Variants in KARS1 observed in about 807,000 individuals in gnomAD.
KARS1 encodes the protein lysyl-tRNA synthetase 1.
In KARS1, 50 loss-of-function variants were observed where a neutral mutation model predicts 63.9. That is an observed-to-expected ratio of 0.78 (90% CI 0.62 to 0.99). The LOEUF (loss-of-function observed/expected upper bound fraction) is 0.99. Among genes scored for constraint, KARS1 ranks in the 50% least tolerant of loss-of-function variants. The probability of loss-of-function intolerance (pLI) is 0.00; values close to 1 mark genes in which losing one functional copy is unlikely to be tolerated. For synonymous variants in KARS1, 320 were observed against 264.6 expected (o/e 1.21, Z -2.03); for missense variants, 816 against 754.5 (o/e 1.08, Z -0.95).
chr16:75,631,321 G>C (rs2082110583), intron 9 of KARS1, 68 bp from the exon 10 acceptor site: 4 of 1,576,386 alleles, frequency 2.5e-6, no homozygotes, highest in South Asian at 2.2e-5. Context: ...TACATAAAGA[G>C]AATAGTGTGG....
At chr16:75,639,198 A>T (rs1828260191) in intron 3 of KARS1, among the ~76,000 whole-genome samples, 1 of 152,170 alleles carries the variant, frequency 6.6e-6, no homozygotes, top group Non-Finnish European at 1.5e-5. Context: ...AATAAAAAAA[A>T]ATCTGAATAC....
intron 3 of KARS1, among the ~76,000 whole-genome samples, chr16:75,636,958 TTG>T (rs1491028918): frequency 0.06 from 8,324 of 137,876 alleles, 521 homozygotes; most frequent in African/African-American, 0.17. Flanking sequence ...TTTTTTTTTT[TTG>T]GTCAGGGCAC....
rs757287180 is a variant in KARS1, at chr16:75,628,529, C to T, written c.1695+40G>A. On this transcript the variant is annotated intron_variant, in intron 13 of 13. Transcript: ENST00000302445. ...ATGCCCTGGCTCCAACACAATGCAG[C>T]TTCCTCAGGAAGTGTGCTCTGTGGA... is the stretch of plus-strand genomic sequence containing the variant. 5.6e-6 allele frequency: 9 copies of T among 1,610,946 alleles called. No individual in the cohort carries two copies. In the African/African-American group the frequency reaches 1.1e-4, roughly 19 times the overall value.
In KARS1 at chr16:75,630,130, T is replaced by C. The variant is rs560673558; in HGVS notation, c.1424+293A>G. Among the ~76,000 whole-genome samples the C allele has an allele frequency of 6.6e-5, 10 of 152,344 alleles. No individual in the cohort carries two copies. In the East Asian group the frequency reaches 1.5e-3, roughly 24 times the overall value. On this transcript the variant is annotated intron_variant, in intron 11 of 13. Transcript: ENST00000302445. Reference sequence around the variant, plus strand: ...TGTTTGCACAATGAGGTCTGTTCTTTTGGAAGCTTCCCCTTAGAGCCCAAC... The same window carrying C: ...TGTTTGCACAATGAGGTCTGTTCTTCTGGAAGCTTCCCCTTAGAGCCCAAC...
Position 75,629,411 on chromosome 16 carries a change from TC to T in KARS1, c.1551+3del, listed in dbSNP as rs1195418482. On this transcript the variant is annotated splice_donor_region_variant and intron_variant, in intron 12 of 13. Coordinates refer to ENST00000302445, the MANE Select transcript of KARS1 (RefSeq NM_005548.3). ...CAGCTTCTGCTCACAGTCCCCTTTC[TC>T]ACCTTGGCCTGTTCTTCAAAAAGCT... is the stretch of plus-strand genomic sequence containing the variant. 4 of 1,613,948 alleles carry T rather than the reference TC, an allele frequency of 2.5e-6. No homozygotes were observed. Among genetic ancestry groups the T allele is most frequent in the Non-Finnish European group, 3.4e-6 (4 of 1,179,848 alleles).
intron 6 of KARS1, among the ~76,000 whole-genome samples, chr16:75,634,763 G>C (rs1040362103): frequency 6.6e-6 from 1 of 152,086 alleles, no homozygotes; most frequent in Non-Finnish European, 1.5e-5. Context: ...TTTTAGTAGA[G>C]ACAGGGTTTC....
chr16:75,644,319 G>A (rs752231356), intron 1 of KARS1: 3 of 1,607,130 alleles, frequency 1.9e-6, no homozygotes, highest in East Asian at 2.2e-5. Context: ...CTTGTGAGGC[G>A]CTGTGAAAGG....
Position 75,631,244 on chromosome 16 carries a change from T to G in KARS1, c.1262A>C (p.Lys421Thr). Residue 421 changes from lysine (K) to threonine (T), a missense_variant, in exon 10 of 14, where the codon AAA becomes ACA. Coordinates refer to ENST00000302445, the MANE Select transcript of KARS1 (RefSeq NM_005548.3). ...TNLFETEETR[K>T]ILDDICVAKA... ...TGCCACACAGATATCATCAAGAATT[T>G]TGCGAGTTTCTGGGACACAAATGCA... 2 of 1,614,002 alleles carry G rather than the reference T, an allele frequency of 1.2e-6. No individual in the cohort carries two copies. Among genetic ancestry groups the G allele is most frequent in the South Asian group, 1.1e-5 (1 of 91,056 alleles).
intron 13 of KARS1, 37 bp downstream of exon 13, chr16:75,628,532 C>G: frequency 6.2e-7 from 1 of 1,611,500 alleles, no homozygotes; most frequent in Admixed American, 1.7e-5. Flanking sequence ...AATGCAGCTT[C>G]CTCAGGAAGT....
chr16:75,643,284 T>C (rs982009281), intron 1 of KARS1, among the ~76,000 whole-genome samples: 1 of 152,178 alleles, frequency 6.6e-6, no homozygotes, highest in South Asian at 2.1e-4. Context: ...TCCCAAGTCA[T>C]GCCCGCAAAC....
rs76083304 is a variant in KARS1, at chr16:75,644,216, G to A, written c.63-2493C>T. 721 of 1,454,872 alleles carry A rather than the reference G, an allele frequency of 5.0e-4. 1 individual carries two copies. In the African/African-American group the frequency reaches 5.9e-3, roughly 12 times the overall value. The allele number at this position is 1,454,872 out of a possible 1,614,324, so 90.1% of individuals were successfully genotyped here. A position where few individuals can be genotyped will look rare whatever the true frequency, so the allele number is the denominator to read the frequency against. ...CCAAAGACTTAGCCAGAGGCTTAAC[G>A]GAAAATGAACCAAGTAAGGAAATAA... is the stretch of plus-strand genomic sequence containing the variant. On this transcript the variant is annotated intron_variant, in intron 1 of 13. Coordinates refer to ENST00000302445, the MANE Select transcript of KARS1 (RefSeq NM_005548.3).
chr16:75,635,408 A>G (rs2082151168), intron 6 of KARS1: 1 of 385,416 alleles, frequency 2.6e-6, no homozygotes, highest in African/African-American at 2.0e-5. Flanking sequence ...ATATTTCTTA[A>G]TGCTACAAAA....
At chr16:75,639,894 A>G (rs2082204324) in intron 3 of KARS1, 1 of 433,142 alleles carries the variant, frequency 2.3e-6, no homozygotes, top group African/African-American at 2.0e-5. Context: ...CTTAGGCCAA[A>G]GACTGGAATT....
Position 75,630,780 on chromosome 16 carries a change from G to A in KARS1, c.1339-272C>T, listed in dbSNP as rs112225278. ...CTCCTGAATAGCGGGGATTACAGGT[G>A]CCCGCCACCATACCCAGCTCATTTT... On this transcript the variant is annotated intron_variant, in intron 10 of 13. Coordinates refer to ENST00000302445, the MANE Select transcript of KARS1 (RefSeq NM_005548.3). Among the ~76,000 whole-genome samples the A allele has an allele frequency of 0.042, 6,399 of 151,994 alleles. 155 individuals carry two copies. Among genetic ancestry groups the A allele is most frequent in the African/African-American group, 0.052 (2,152 of 41,438 alleles).
At chr16:75,641,101 G>A (rs534954941) in intron 2 of KARS1, among the ~76,000 whole-genome samples, 11 of 152,050 alleles carry the variant, frequency 7.2e-5, no homozygotes, top group Non-Finnish European at 1.5e-4. Flanking sequence ...CCGGGGAGGC[G>A]GAGGTTGCAG....
Position 75,634,447 on chromosome 16 carries a change from C to T in KARS1, c.796-155G>A, listed in dbSNP as rs1408370965. Among the ~76,000 whole-genome samples, 2 of 152,228 alleles carry T rather than the reference C, an allele frequency of 1.3e-5. 1 individual carries two copies. Among genetic ancestry groups the T allele is most frequent in the Admixed American group, 1.3e-4 (2 of 15,282 alleles). On this transcript the variant is annotated intron_variant, in intron 6 of 13. Transcript: ENST00000302445. ...TGCAAGTGCTTGACAAAAAAGGACA[C>T]TATGATTTTCTACGACAGTGTCTCA... is the stretch of plus-strand genomic sequence containing the variant.
intron 3 of KARS1, 27 bp downstream of exon 3, chr16:75,640,157 C>T (rs1398786811): frequency 6.2e-7 from 1 of 1,608,318 alleles, no homozygotes; most frequent in East Asian, 2.2e-5. Context: ...TGTGGGAGTT[C>T]AGTGATTTGC....
Position 75,634,214 on chromosome 16 carries a change from T to A in KARS1, c.874A>T (p.Met292Leu). Reference sequence around the variant, plus strand: ...GGAGCAATTCTCATATATAAGTTCATGTCCAGCTCGTTGTGATAAGTGATG... The same window carrying A: ...GGAGCAATTCTCATATATAAGTTCAAGTCCAGCTCGTTGTGATAAGTGATG... ...PFITYHNELD[M>L]NLYMRIAPEL... Residue 292 changes from methionine to leucine, a missense_variant, in exon 7 of 14, where the codon ATG becomes TTG. Physicochemically the swap from Met to Leu is conservative, Grantham distance 15. Transcript: ENST00000302445. The A allele has an allele frequency of 6.2e-7, 1 of 1,614,084 alleles. No homozygotes were observed. Among genetic ancestry groups the A allele is most frequent in the South Asian group, 1.1e-5 (1 of 91,084 alleles).
At chr16:75,633,872 A>C in intron 7 of KARS1, 1 of 371,802 alleles carries the variant, frequency 2.7e-6, no homozygotes, top group Non-Finnish European at 5.2e-6. Flanking sequence ...TCTGTGAAAG[A>C]CTTAAATCAG....
Sources: allele counts gnomAD v4.1 joint callset (sites outside exome capture counted in the v4.1 genomes callset), GRCh38; gene constraint gnomAD v4.1.1; transcripts MANE v1.5; gene names NCBI Gene and HGNC (gene_info 2026-07-23, HGNC 2026-07-21).